Variants in SYCP1 observed in about 807,000 individuals in gnomAD.
The protein encoded by SYCP1 is cancer/testis antigen 8.
SYCP1 carries 64 observed loss-of-function variants against 153.1 expected under a neutral mutation model. That is an observed-to-expected ratio of 0.42 (90% CI 0.34 to 0.51). The LOEUF (loss-of-function observed/expected upper bound fraction) is 0.51, where lower values mean the gene tolerates loss of function less well. Ranked by LOEUF, SYCP1 falls within the 20% of genes least tolerant of loss-of-function variation. The probability of loss-of-function intolerance (pLI) is 0.06; values close to 1 mark genes in which losing one functional copy is unlikely to be tolerated. For missense variants in SYCP1, 997 were observed against 1,049.0 expected (o/e 0.95, Z 0.68); for synonymous variants, 384 against 341.8 (o/e 1.12, Z -1.36).
At chr1:114,896,411 G>GA (rs1206498683) in intron 16 of SYCP1, among the ~76,000 whole-genome samples, 1 of 152,176 alleles carries the variant, frequency 6.6e-6, no homozygotes, top group African/African-American at 2.4e-5. Flanking sequence ...AGTGCTTTAT[G>GA]AAACCTCTCT....
chr1:114,900,471 G>A (rs1659981074), intron 16 of SYCP1, among the ~76,000 whole-genome samples: 1 of 152,054 alleles, frequency 6.6e-6, no homozygotes, highest in Admixed American at 6.5e-5. Flanking sequence ...TGTAGAGATG[G>A]GATTTTGCCA....
chr1:114,911,598 A>T lies in SYCP1; in HGVS notation c.1529+16A>T, dbSNP rs1467704461. The T allele has an allele frequency of 3.6e-6, 5 of 1,407,300 alleles. No individual in the cohort carries two copies. Among genetic ancestry groups the T allele is most frequent in the Non-Finnish European group, 9.4e-7 (1 of 1,059,592 alleles). 87.2% of individuals were successfully genotyped at this position (1,407,300 alleles called of 1,614,324 possible). On this transcript the variant is annotated intron_variant, in intron 18 of 31. Transcript: ENST00000369522. ...AAAACGAGAAGTATGTTTTCCATTT[A>T]TCTAAAAATAGTTTATGTACTCAAT...
intron 27 of SYCP1, among the ~76,000 whole-genome samples, chr1:114,969,143 A>C (rs951648779): frequency 6.6e-6 from 1 of 152,156 alleles, no homozygotes; most frequent in Non-Finnish European, 1.5e-5. Flanking sequence ...TCTCCCAAAC[A>C]GGAGGCACGT....
intron 8 of SYCP1, among the ~76,000 whole-genome samples, chr1:114,861,368 A>G (rs1366475361): frequency 6.6e-6 from 1 of 152,146 alleles, no homozygotes; most frequent in Non-Finnish European, 1.5e-5. Flanking sequence ...TTGATGAAAA[A>G]TAAGTGTGTG....
intron 27 of SYCP1, among the ~76,000 whole-genome samples, chr1:114,965,922 C>T (rs757791656): frequency 2.6e-5 from 4 of 152,042 alleles, no homozygotes; most frequent in East Asian, 3.9e-4. Flanking sequence ...GGAATGGTAC[C>T]GGCTCCTCTT....
chr1:114,927,482 A>G (rs1175731538), intron 23 of SYCP1, among the ~76,000 whole-genome samples: 3 of 152,226 alleles, frequency 2.0e-5, no homozygotes, highest in Non-Finnish European at 4.4e-5. Flanking sequence ...AAAGACAGAA[A>G]GGAAAATATG....
At chr1:114,888,671 T>A (rs751775520) in intron 15 of SYCP1, among the ~76,000 whole-genome samples, 2 of 152,110 alleles carry the variant, frequency 1.3e-5, no homozygotes, top group African/African-American at 2.4e-5. Context: ...CATAAAATAG[T>A]GTTTTAAATC....
rs373827048 is a variant in SYCP1 at position 114,857,199 on chromosome 1, C to T, written c.194-33C>T. 156 of 1,383,104 alleles carry T rather than the reference C, an allele frequency of 1.1e-4. No homozygotes were observed. In the African/African-American group the frequency reaches 1.9e-3, roughly 17 times the overall value. 85.7% of individuals were successfully genotyped at this position (1,383,104 alleles called of 1,614,324 possible). On this transcript the variant is annotated intron_variant, in intron 3 of 31. Transcript: ENST00000369522. Reference sequence around the variant, plus strand: ...AAAAAGAAAGAGAAAAAGATGTTGGCGTATTTAATACCTGTTGTCTTTTAT... The same window carrying T: ...AAAAAGAAAGAGAAAAAGATGTTGGTGTATTTAATACCTGTTGTCTTTTAT...
At chr1:114,926,815 G>A (rs1288749496) in intron 23 of SYCP1, among the ~76,000 whole-genome samples, 1 of 152,020 alleles carries the variant, frequency 6.6e-6, no homozygotes, top group Non-Finnish European at 1.5e-5. Context: ...ATATGTGCAT[G>A]CATGAGCTCT....
chr1:114,868,611 G>C (rs1020443982), intron 8 of SYCP1, among the ~76,000 whole-genome samples: 7 of 152,212 alleles, frequency 4.6e-5, no homozygotes, highest in African/African-American at 9.6e-5. Context: ...TTCTGAAAGA[G>C]ATAGTAGAGA....
At chr1:114,905,601 C>A (rs1667758229) in intron 16 of SYCP1, among the ~76,000 whole-genome samples, 1 of 152,280 alleles carries the variant, frequency 6.6e-6, no homozygotes, top group South Asian at 2.1e-4. Flanking sequence ...TTGTTTTATG[C>A]TCCATAGAAG....
intron 2 of SYCP1, among the ~76,000 whole-genome samples, chr1:114,855,982 C>T (rs1401694441): frequency 6.6e-6 from 1 of 152,136 alleles, no homozygotes; most frequent in Non-Finnish European, 1.5e-5. Context: ...TCAGATTTGG[C>T]TCTGAGCTTC....
intron 27 of SYCP1, among the ~76,000 whole-genome samples, chr1:114,970,093 A>G (rs1289388749): frequency 6.6e-6 from 1 of 152,284 alleles, no homozygotes; most frequent in East Asian, 1.9e-4. Context: ...CTATTTGACC[A>G]TCTTGCCAGC....
chr1:114,927,644 G>T (rs1045260519), intron 23 of SYCP1, among the ~76,000 whole-genome samples: 7 of 152,052 alleles, frequency 4.6e-5, no homozygotes, highest in Admixed American at 4.6e-4. Flanking sequence ...GAATACAAAT[G>T]AATCAAGTGT....
chr1:114,980,921 T>C (rs963430229), intron 28 of SYCP1, among the ~76,000 whole-genome samples: 1 of 151,944 alleles, frequency 6.6e-6, no homozygotes, highest in African/African-American at 2.4e-5. Context: ...CCTGATCCTC[T>C]TCCTCCTCCC....
intron 27 of SYCP1, among the ~76,000 whole-genome samples, chr1:114,954,146 C>T (rs1671281124): frequency 1.3e-5 from 2 of 152,206 alleles, no homozygotes; most frequent in East Asian, 3.9e-4. Context: ...CGTACGTGTA[C>T]GTTATAGAAG....
In SYCP1 at chr1:114,994,901, C is replaced by A. The variant is rs1570936903; in HGVS notation, c.2813C>A (p.Thr938Asn). ...TPKKAPSSLT[T>N]PGSTLKFGAI... ...ACTCAGGCCCCTTCATCTCTAACAA[C>A]CCCTGGATCTACACTGAAGTTTGGA... The change falls in exon 32 of 32, where the codon ACC becomes AAC. Residue 938 changes from threonine (T) to asparagine (N), a missense_variant. Thr to Asn is a moderately conservative substitution (Grantham distance 65, BLOSUM62 0). Around this residue, in one of 2 missense-constraint regions of SYCP1, gnomAD observed 712 missense variants for 682.9 expected, o/e 1.04. Transcript: ENST00000369522. 6.2e-7 allele frequency: 1 copy of A among 1,603,964 alleles called. No individual in the cohort carries two copies. The highest frequency in any genetic ancestry group is 8.5e-7 in the Non-Finnish European group (1 of 1,175,304).
At chr1:114,916,473 A>C (rs1342262378) in intron 20 of SYCP1, among the ~76,000 whole-genome samples, 1 of 152,056 alleles carries the variant, frequency 6.6e-6, no homozygotes, top group Non-Finnish European at 1.5e-5. Context: ...AAAATGTTTT[A>C]ATTGATATTG....
chr1:114,858,366 A>C (rs768760700), intron 5 of SYCP1, among the ~76,000 whole-genome samples, 181 bp from the exon 6 acceptor site: 2 of 152,090 alleles, frequency 1.3e-5, no homozygotes, highest in Non-Finnish European at 2.9e-5. Context: ...AACTTTAATG[A>C]AGTAGTTAAT....
Sources: allele counts gnomAD v4.1 joint callset (sites outside exome capture counted in the v4.1 genomes callset), GRCh38; gene constraint gnomAD v4.1.1; regional missense constraint gnomAD v4.1.1; transcripts MANE v1.5; gene names NCBI Gene and HGNC (gene_info 2026-07-23, HGNC 2026-07-21).